Variants in ETV6 observed in about 807,000 individuals in gnomAD.
ETV6 encodes the protein ETS variant transcription factor 6.
In ETV6, 16 loss-of-function variants were observed where a neutral mutation model predicts 51.1. That is an observed-to-expected ratio of 0.31 (90% CI 0.21 to 0.48). ETV6 has a LOEUF of 0.48. ETV6 is among the 20% of genes least tolerant of loss of function. ETV6 has a pLI of 0.99. For missense variants in ETV6, 458 were observed against 594.8 expected, an observed-to-expected ratio of 0.77 and a Z score of 2.39; for synonymous variants, 240 against 224.1, an observed-to-expected ratio of 1.07 and a Z score of -0.64.
chr12:11,690,697 G>A (rs1271599647), intron 1 of ETV6, among the ~76,000 whole-genome samples: 1 of 151,964 alleles, frequency 6.6e-6, no homozygotes, highest in Non-Finnish European at 1.5e-5. Context: ...GACCAGCCTG[G>A]CCAACATGGT....
At chr12:11,749,350 C>CACACACACACACACACA in intron 1 of ETV6, among the ~76,000 whole-genome samples, 1 of 137,446 alleles carries the variant, frequency 7.3e-6, no homozygotes, top group Non-Finnish European at 1.6e-5. Flanking sequence ...CACACACACA[C>CACACACACACACACACA]CCCTACTCCC....
chr12:11,737,396 T>C (rs998417014), intron 1 of ETV6, among the ~76,000 whole-genome samples: 1 of 152,244 alleles, frequency 6.6e-6, no homozygotes, highest in African/African-American at 2.4e-5. Flanking sequence ...AAAGTGTTTA[T>C]TAACAGTGTT....
intron 2 of ETV6, among the ~76,000 whole-genome samples, chr12:11,782,006 CAAAT>C (rs1009937168): frequency 2.2e-4 from 34 of 152,140 alleles, no homozygotes; most frequent in African/African-American, 8.2e-4. Flanking sequence ...TGTTTTCTGG[CAAAT>C]AAATCTCTTT....
chr12:11,853,900 T>G (rs571068886), intron 4 of ETV6, among the ~76,000 whole-genome samples: 98 of 152,254 alleles, frequency 6.4e-4, no homozygotes, highest in African/African-American at 2.3e-3. Context: ...CTCCCCACCC[T>G]TTTTGGCACC....
chr12:11,886,102 C>A, intron 7 of ETV6, 76 bp downstream of exon 7: 1 of 1,012,552 alleles, frequency 9.9e-7, no homozygotes. Flanking sequence ...TGGGGGGAGA[C>A]TGTTAAGATC....
chr12:11,763,754 A>G (rs76556090), intron 2 of ETV6, among the ~76,000 whole-genome samples: 1 of 152,224 alleles, frequency 6.6e-6, no homozygotes, highest in African/African-American at 2.4e-5. Flanking sequence ...TTGAAATACA[A>G]CTGGGTATTG....
intron 1 of ETV6, among the ~76,000 whole-genome samples, chr12:11,740,954 A>G (rs1865795861): frequency 6.6e-6 from 1 of 152,168 alleles, no homozygotes. Flanking sequence ...TCTGTGAGGT[A>G]GGTTTTGTGC....
intron 7 of ETV6, among the ~76,000 whole-genome samples, chr12:11,887,129 G>GGGAAACAGAATA (rs1311056379): frequency 1.3e-5 from 2 of 152,112 alleles, no homozygotes; most frequent in Admixed American, 1.3e-4. Flanking sequence ...CTTCAGGAAA[G>GGGAAACAGAATA]GGAAACAGAA....
intron 2 of ETV6, among the ~76,000 whole-genome samples, chr12:11,784,339 A>C (rs962386237): frequency 6.6e-6 from 1 of 152,100 alleles, no homozygotes; most frequent in Non-Finnish European, 1.5e-5. Context: ...AGGCAGGAGA[A>C]TCACTTGAAC....
chr12:11,728,679 C>A (rs1033935366), intron 1 of ETV6, among the ~76,000 whole-genome samples: 1 of 152,120 alleles, frequency 6.6e-6, no homozygotes, highest in Non-Finnish European at 1.5e-5. Context: ...ATAGAGGACG[C>A]AGGGCTGGAC....
chr12:11,729,133 A>G (rs950165213), intron 1 of ETV6, among the ~76,000 whole-genome samples: 51 of 152,240 alleles, frequency 3.3e-4, no homozygotes, highest in African/African-American at 1.2e-3. Context: ...AAAGCGTGAC[A>G]GTCAACATGA....
intron 2 of ETV6, among the ~76,000 whole-genome samples, chr12:11,796,672 A>G (rs1484713557): frequency 2.6e-5 from 4 of 152,166 alleles, no homozygotes; most frequent in Non-Finnish European, 5.9e-5. Context: ...CAAGGACACC[A>G]AGGCTGTGCA....
chr12:11,850,669 A>G (rs1946540203), intron 3 of ETV6, among the ~76,000 whole-genome samples: 1 of 152,182 alleles, frequency 6.6e-6, no homozygotes, highest in African/African-American at 2.4e-5. Context: ...CGTTACAACG[A>G]TCTCACAAGG....
chr12:11,791,054 A>G (rs1014995730), intron 2 of ETV6, among the ~76,000 whole-genome samples: 4 of 152,162 alleles, frequency 2.6e-5, no homozygotes, highest in African/African-American at 4.8e-5. Context: ...ACATGTAACT[A>G]GTGACACCAG....
chr12:11,743,199 C>A (rs1294169411), intron 1 of ETV6, among the ~76,000 whole-genome samples: 1 of 152,148 alleles, frequency 6.6e-6, no homozygotes, highest in Non-Finnish European at 1.5e-5. Context: ...GACATTGACT[C>A]ATTTCTTTTA....
intron 1 of ETV6, among the ~76,000 whole-genome samples, chr12:11,726,528 A>G (rs1277672659): frequency 6.6e-6 from 1 of 152,218 alleles, no homozygotes; most frequent in Non-Finnish European, 1.5e-5. Flanking sequence ...CTGTAATCCC[A>G]GCACTTCGGG....
chr12:11,817,363 G>A (rs1448256574), intron 2 of ETV6, among the ~76,000 whole-genome samples: 1 of 152,186 alleles, frequency 6.6e-6, no homozygotes, highest in Non-Finnish European at 1.5e-5. Context: ...AGCCTCTGCT[G>A]TACTGTATTA....
chr12:11,759,250 T>C (rs1194587056), intron 2 of ETV6, among the ~76,000 whole-genome samples: 1 of 152,094 alleles, frequency 6.6e-6, no homozygotes, highest in Middle Eastern at 3.2e-3. Flanking sequence ...TCTGTGTACA[T>C]TTAAGGCAGT....
intron 2 of ETV6, among the ~76,000 whole-genome samples, chr12:11,761,242 A>G (rs954924852): frequency 2.0e-5 from 3 of 152,190 alleles, no homozygotes; most frequent in Admixed American, 1.3e-4. Flanking sequence ...TTTTAAGCAT[A>G]ATATAAATTA....
Sources: allele counts gnomAD v4.1 joint callset (sites outside exome capture counted in the v4.1 genomes callset), GRCh38; gene constraint gnomAD v4.1.1; transcripts MANE v1.5; gene names NCBI Gene and HGNC (gene_info 2026-07-23, HGNC 2026-07-21).